Variants in AGPS observed in about 807,000 individuals in gnomAD.
The protein encoded by AGPS is alkyldihydroxyacetonephosphate synthase, peroxisomal.
Under a neutral mutation model 90.7 loss-of-function variants are expected in AGPS, and 26 were observed. That is an observed-to-expected ratio of 0.29 (90% CI 0.21 to 0.40). The LOEUF is 0.40. Among genes scored for constraint, AGPS ranks in the 10% least tolerant of loss-of-function variants. AGPS has a pLI of 1.00. For missense variants in AGPS, 540 were observed against 816.1 expected (o/e 0.66, Z 4.12); for synonymous variants, 294 against 285.3 (o/e 1.03, Z -0.31).
intron 10 of AGPS, among the ~76,000 whole-genome samples, chr2:177,478,348 G>A (rs1455610217): frequency 6.6e-6 from 1 of 152,056 alleles, no homozygotes; most frequent in Non-Finnish European, 1.5e-5. Flanking sequence ...TGTTGCTCCT[G>A]TTTGAAATTT....
At chr2:177,435,186 C>T (rs1183573560) in intron 3 of AGPS, among the ~76,000 whole-genome samples, 2 of 151,568 alleles carry the variant, frequency 1.3e-5, no homozygotes, top group East Asian at 3.9e-4. Context: ...TCCATAAGTA[C>T]AGGGCTATGT....
chr2:177,455,582 C>T (rs1198505096), intron 8 of AGPS, among the ~76,000 whole-genome samples: 1 of 152,086 alleles, frequency 6.6e-6, no homozygotes, highest in African/African-American at 2.4e-5. Flanking sequence ...GTGTGAGCCA[C>T]CATGCCTGGC....
At chr2:177,426,323 T>A (rs967127384) in intron 2 of AGPS, among the ~76,000 whole-genome samples, 10 of 152,196 alleles carry the variant, frequency 6.6e-5, no homozygotes, top group African/African-American at 2.4e-4. Context: ...AGATACAGGA[T>A]CATGTCATCT....
At position 177,496,406 on chromosome 2, in the gene AGPS, G is replaced by A. The variant is rs141083265; in HGVS notation, c.1286-1283G>A. 5.9e-3 allele frequency among the ~76,000 whole-genome samples: 900 copies of A among 152,106 alleles called. 9 individuals carry two copies. The highest frequency in any genetic ancestry group is 0.02 in the African/African-American group (833 of 41,506). On this transcript the variant is annotated intron_variant, in intron 12 of 19. Coordinates refer to ENST00000264167, the MANE Select transcript of AGPS (RefSeq NM_003659.4). ...CCAGAAATGAATGTTTTGATGATAC[G>A]TTATTTCTATCTTTATAGATATTAG...
At chr2:177,475,447 A>G (rs755992113) in intron 10 of AGPS, among the ~76,000 whole-genome samples, 1 of 152,180 alleles carries the variant, frequency 6.6e-6, no homozygotes, top group Non-Finnish European at 1.5e-5. Context: ...AGCTATCACC[A>G]TTCCTCCTTC....
chr2:177,465,925 C>T (rs543662732), intron 9 of AGPS, among the ~76,000 whole-genome samples: 4 of 152,348 alleles, frequency 2.6e-5, no homozygotes, highest in Non-Finnish European at 4.4e-5. Context: ...CGCCATTTAG[C>T]GGGTCCTGAG....
intron 8 of AGPS, among the ~76,000 whole-genome samples, chr2:177,452,784 T>C (rs1039229157): frequency 7.2e-5 from 11 of 152,160 alleles, no homozygotes; most frequent in South Asian, 4.1e-4. Context: ...GATTTTTTTT[T>C]AAATGATATG....
intron 9 of AGPS, among the ~76,000 whole-genome samples, chr2:177,466,694 G>A (rs549979824): frequency 3.3e-5 from 5 of 152,360 alleles, no homozygotes; most frequent in East Asian, 3.9e-4. Flanking sequence ...GCGCACACCC[G>A]GCTGGGTTGC....
At chr2:177,412,618 G>A (rs566859819) in intron 1 of AGPS, among the ~76,000 whole-genome samples, 3 of 152,202 alleles carry the variant, frequency 2.0e-5, no homozygotes, top group East Asian at 1.9e-4. Flanking sequence ...ATTACTCACC[G>A]CTTTGGAGAG....
intron 5 of AGPS, among the ~76,000 whole-genome samples, chr2:177,437,891 A>G (rs1264338949): frequency 6.6e-6 from 1 of 152,200 alleles, no homozygotes; most frequent in Admixed American, 6.5e-5. Context: ...CAGAAGGAAA[A>G]TCCAAGAGCA....
chr2:177,499,833 ACTGCATGT>A (rs1688509008), intron 14 of AGPS, 103 bp downstream of exon 14: 1 of 754,444 alleles, frequency 1.3e-6, no homozygotes, highest in East Asian at 2.6e-5. Context: ...CTCCAAACAG[ACTGCATGT>A]CTCAAAGTAG....
chr2:177,441,159 C>T (rs1014795752), intron 6 of AGPS, 123 bp downstream of exon 6: 2 of 888,404 alleles, frequency 2.3e-6, no homozygotes, highest in Non-Finnish European at 3.5e-6. Flanking sequence ...TGGTTATTCT[C>T]AAAAATTGGT....
At chr2:177,405,455 C>T (rs1038740653) in intron 1 of AGPS, among the ~76,000 whole-genome samples, 1 of 152,178 alleles carries the variant, frequency 6.6e-6, no homozygotes, top group African/African-American at 2.4e-5. Context: ...TATTGATTTT[C>T]CTTGAGTCAT....
chr2:177,536,182 C>A (rs1216542804), intron 19 of AGPS, among the ~76,000 whole-genome samples: 1 of 152,142 alleles, frequency 6.6e-6, no homozygotes, highest in African/African-American at 2.4e-5. Context: ...AGCTGTTGGG[C>A]ATCCTGCTGA....
chr2:177,439,073 A>G (rs1231975604), intron 5 of AGPS, among the ~76,000 whole-genome samples: 5 of 152,154 alleles, frequency 3.3e-5, no homozygotes, highest in African/African-American at 7.2e-5. Flanking sequence ...GTGTTGCTTA[A>G]TAGGATGCTT....
chr2:177,487,375 G>A (rs1688125233), intron 11 of AGPS, among the ~76,000 whole-genome samples: 1 of 152,046 alleles, frequency 6.6e-6, no homozygotes, highest in South Asian at 2.1e-4. Flanking sequence ...TGAAAATGCA[G>A]CTTTTCTTCC....
chr2:177,535,757 T>C (rs187054393), intron 19 of AGPS, among the ~76,000 whole-genome samples: 1 of 152,326 alleles, frequency 6.6e-6, no homozygotes, highest in East Asian at 1.9e-4. Flanking sequence ...TTCTAGTACC[T>C]TTAATTGCAT....
At chr2:177,460,883 C>T (rs1208499036) in intron 8 of AGPS, among the ~76,000 whole-genome samples, 1 of 152,176 alleles carries the variant, frequency 6.6e-6, no homozygotes, top group Non-Finnish European at 1.5e-5. Flanking sequence ...GTTTTCCTAG[C>T]AGCAAAATTA....
chr2:177,417,896 G>T (rs754495305), intron 1 of AGPS, among the ~76,000 whole-genome samples: 22 of 152,116 alleles, frequency 1.4e-4, no homozygotes, highest in Non-Finnish European at 2.1e-4. Context: ...TGGGGATGGG[G>T]TTAGAATATG....
Sources: gnomAD v4.1 joint callset for allele counts (sites outside exome capture counted in the v4.1 genomes callset) on GRCh38, gnomAD v4.1.1 for gene constraint, MANE v1.5 for transcripts, NCBI Gene and HGNC (gene_info 2026-07-23, HGNC 2026-07-21) for gene names.